Variants in SERPINB5 observed in about 807,000 individuals in gnomAD.
SERPINB5 encodes the protein serpin B5.
A neutral mutation model predicts 32.2 loss-of-function variants in SERPINB5; 27 were observed. That is an observed-to-expected ratio of 0.84 (90% CI 0.62 to 1.16). The LOEUF (loss-of-function observed/expected upper bound fraction) is 1.16. SERPINB5 is among the 50% of genes most tolerant of loss of function. SERPINB5 has a pLI of 0.00. For synonymous variants in SERPINB5, 154 were observed against 157.4 expected (o/e 0.98, Z 0.16); for missense variants, 388 against 436.3 (o/e 0.89, Z 0.99).
At chr18:63,479,675 T>G (rs1917095185) in intron 1 of SERPINB5, among the ~76,000 whole-genome samples, 1 of 152,152 alleles carries the variant, frequency 6.6e-6, no homozygotes, top group Admixed American at 6.5e-5. Flanking sequence ...ATCATACCAC[T>G]AACTGACAGC....
chr18:63,493,275 C>G, intron 5 of SERPINB5, 180 bp downstream of exon 5: 1 of 719,438 alleles, frequency 1.4e-6, no homozygotes, highest in African/African-American at 1.8e-5. Flanking sequence ...ATCCAGAGGC[C>G]CCCCCTCCTC....
chr18:63,503,839 G>A lies in SERPINB5; in HGVS notation c.*117G>A. 1 of 1,054,306 alleles carries A rather than the reference G, an allele frequency of 9.5e-7. No homozygotes were observed. Among genetic ancestry groups the A allele is most frequent in the Non-Finnish European group, 1.4e-6 (1 of 714,530 alleles). 65.3% of individuals were successfully genotyped at this position (1,054,306 alleles called of 1,614,324 possible). ...TAAATTGCTAATGTTGCTGGATCAG[G>A]AAGCCGCCAGTACTTGTCATATGTA... On this transcript the variant is annotated 3_prime_UTR_variant, in exon 7 of 7. Transcript: ENST00000382771.
chr18:63,484,739 A>ATATTTTTT (rs1474564506), intron 2 of SERPINB5, 143 bp downstream of exon 2: 20 of 144,746 alleles, frequency 1.4e-4, no homozygotes, highest in African/African-American at 2.1e-4. Flanking sequence ...GACTCTCTTA[A>ATATTTTTT]TCTTTTTTTT....
At chr18:63,482,914 T>C (rs1287378173) in intron 1 of SERPINB5, among the ~76,000 whole-genome samples, 1 of 142,260 alleles carries the variant, frequency 7.0e-6, no homozygotes, top group Non-Finnish European at 1.6e-5. Flanking sequence ...AAGAGTGATA[T>C]TGTTTTTCAT....
chr18:63,480,771 G>T (rs8087830), intron 1 of SERPINB5, among the ~76,000 whole-genome samples: 6,938 of 152,164 alleles, frequency 0.046, 527 homozygotes, highest in African/African-American at 0.16. Flanking sequence ...CAGATTTACC[G>T]GGCAGTATTT....
At position 63,487,100 on chromosome 18, in the gene SERPINB5, A is replaced by C; in HGVS notation, c.306+17A>C. ...CTTTCTACAGTAAGTTGTTTAAAGC[A>C]AGTAGCAAGACTTAACTTTTTACAA... is the stretch of plus-strand genomic sequence containing the variant. On this transcript the variant is annotated intron_variant, in intron 3 of 6. Coordinates refer to ENST00000382771, the MANE Select transcript of SERPINB5 (RefSeq NM_002639.5). 1.2e-6 allele frequency: 2 copies of C among 1,611,096 alleles called. No individual in the cohort carries two copies. The highest frequency in any genetic ancestry group is 1.7e-6 in the Non-Finnish European group (2 of 1,178,678).
In SERPINB5 at chr18:63,502,290, G is replaced by A. The variant is rs544725277; in HGVS notation, c.736-1040G>A. ...AGCTGGGACTACAGGTGCCTGCCAC[G>A]ACGCTTGGCTAATTTTTTGTATTTT... On this transcript the variant is annotated intron_variant, in intron 6 of 6. Transcript: ENST00000382771. Among the ~76,000 whole-genome samples the A allele has an allele frequency of 4.0e-5, 6 of 151,890 alleles. No individual in the cohort carries two copies. In the South Asian group the frequency reaches 1.2e-3, roughly 32 times the overall value.
At chr18:63,497,278 T>C in intron 5 of SERPINB5, 1 of 1,124,132 alleles carries the variant, frequency 8.9e-7, no homozygotes, top group Non-Finnish European at 1.3e-6. Flanking sequence ...GATCATTGGT[T>C]ATTCCAGGAA....
At chr18:63,497,356 C>T in intron 5 of SERPINB5, 1 of 1,309,584 alleles carries the variant, frequency 7.6e-7, no homozygotes, top group Non-Finnish European at 1.1e-6. Flanking sequence ...GGCCATGGGG[C>T]TCTTCTGTTT....
rs373734502 is a variant in SERPINB5, at chr18:63,493,001, A to G, written c.473A>G (p.Lys158Arg). Residue 158 changes from lysine (K) to arginine (R), a missense_variant, in exon 5 of 7, where the codon AAA (lysine) becomes AGA (arginine). Lys to Arg is a conservative substitution (Grantham distance 26). Coordinates refer to ENST00000382771, the MANE Select transcript of SERPINB5 (RefSeq NM_002639.5). The part of the protein sequence containing the change: ...LADNSVNDQT[K>R]ILVVNAAYFV... Reference sequence around the variant, plus strand: ...GACAACAGTGTGAACGACCAGACCAAAATCCTTGTGGTTAATGCTGCCTAC... The same window carrying G: ...GACAACAGTGTGAACGACCAGACCAGAATCCTTGTGGTTAATGCTGCCTAC... 1.2e-6 allele frequency: 2 copies of G among 1,614,080 alleles called. No individual in the cohort carries two copies. Among genetic ancestry groups the G allele is most frequent in the African/African-American group, 2.7e-5 (2 of 74,932 alleles).
Position 63,498,646 on chromosome 18 carries a change from C to T in SERPINB5, c.568-474C>T, listed in dbSNP as rs1185367877. On this transcript the variant is annotated intron_variant, in intron 5 of 6. Transcript: ENST00000382771. The surrounding 1 kb of genome is among the most constrained non-coding windows in gnomAD (Gnocchi z 4.2). ...ATAACTTTTCAAAGGAACACAAACTCTTCACAGGACAGTCTCTGGTTTCAG... is the reference window on the plus strand; with the variant it reads ...ATAACTTTTCAAAGGAACACAAACTTTTCACAGGACAGTCTCTGGTTTCAG... Among the ~76,000 whole-genome samples the T allele has an allele frequency of 6.6e-6, 1 of 152,060 alleles. No individual in the cohort carries two copies.
At chr18:63,483,897 G>A (rs538067602) in intron 1 of SERPINB5, among the ~76,000 whole-genome samples, 23 of 152,274 alleles carry the variant, frequency 1.5e-4, no homozygotes, top group African/African-American at 5.5e-4. Context: ...TCCACGTAAG[G>A]TCACATTCAC....
intron 6 of SERPINB5, among the ~76,000 whole-genome samples, chr18:63,501,896 A>AT (rs1183961497): frequency 6.6e-5 from 10 of 151,910 alleles, no homozygotes; most frequent in Non-Finnish European, 1.5e-4. Context: ...GGGTTGTTTG[A>AT]TTTTTTCTTG....
intron 6 of SERPINB5, among the ~76,000 whole-genome samples, chr18:63,501,947 C>T (rs1480927687): frequency 6.6e-6 from 1 of 152,070 alleles, no homozygotes; most frequent in Non-Finnish European, 1.5e-5. Context: ...GATATTAGCC[C>T]TTTGTCAGAT....
intron 2 of SERPINB5, 105 bp from the exon 3 acceptor site, chr18:63,486,841 G>GA: frequency 8.7e-7 from 1 of 1,146,770 alleles, no homozygotes; most frequent in Non-Finnish European, 1.3e-6. Flanking sequence ...AACTAGGCAG[G>GA]AGGAGTCTGT....
At chr18:63,499,685 CAGG>C (rs1909531000) in intron 6 of SERPINB5, among the ~76,000 whole-genome samples, 1 of 152,122 alleles carries the variant, frequency 6.6e-6, no homozygotes, top group Non-Finnish European at 1.5e-5. Context: ...TAGTTGGAGC[CAGG>C]TTCTTAACTG....
At position 63,498,151 on chromosome 18, in the gene SERPINB5, A is replaced by G. The variant is rs1385337449; in HGVS notation, c.568-969A>G. On this transcript the variant is annotated intron_variant, in intron 5 of 6. Coordinates refer to ENST00000382771, the MANE Select transcript of SERPINB5 (RefSeq NM_002639.5). The surrounding 1 kb of genome is among the most constrained non-coding windows in gnomAD (Gnocchi z 4.2). The stretch of plus-strand genomic sequence containing the variant: ...CCCAGGCTGGAGTGAGTGCAGTGGT[A>G]TGATCTTGGCTCACACCAACTTCTG... Among the ~76,000 whole-genome samples, 1 of 152,112 alleles carries G rather than the reference A, an allele frequency of 6.6e-6. No individual in the cohort carries two copies. Among genetic ancestry groups the G allele is most frequent in the Non-Finnish European group, 1.5e-5 (1 of 68,016 alleles).
rs372076697 is a variant in SERPINB5, at chr18:63,487,048, C to T, written c.271C>T (p.Arg91Trp). ...CTTTTACTCACTGAAACTAATCAAG[C>T]GGCTCTACGTAGACAAATCTCTGAA... The part of the protein sequence containing the change: ...SSFYSLKLIK[R>W]LYVDKSLNLS... The change falls in exon 3 of 7, where the codon CGG becomes TGG. Residue 91 changes from arginine to tryptophan, a missense_variant. By Grantham distance (101) the Arg-to-Trp change is moderately radical. Coordinates refer to ENST00000382771, the MANE Select transcript of SERPINB5 (RefSeq NM_002639.5). 2.0e-5 allele frequency: 32 copies of T among 1,613,906 alleles called. No homozygotes were observed. Among genetic ancestry groups the T allele is most frequent in the African/African-American group, 6.7e-5 (5 of 74,912 alleles).
rs746177999 is a variant in SERPINB5 at position 63,484,637 on chromosome 18, A to C, written c.168+41A>C. The C allele has an allele frequency of 1.0e-5, 16 of 1,580,556 alleles. 1 individual carries two copies. The South Asian group carries it at 1.6e-4, about 16-fold the overall frequency. On this transcript the variant is annotated intron_variant, in intron 2 of 6. Transcript: ENST00000382771. ...TTGTTTCTACTTTAAGTGGGAATAC[A>C]GTTATTAGAACCCATAGGCAGTGCC...
Sources: gnomAD v4.1 joint callset for allele counts (sites outside exome capture counted in the v4.1 genomes callset) on GRCh38, gnomAD v4.1.1 for gene constraint, Gnocchi (gnomAD v3.1) non-coding constraint, MANE v1.5 for transcripts, NCBI Gene and HGNC (gene_info 2026-07-23, HGNC 2026-07-21) for gene names.